FSD2: variants seen among roughly 807,000 people sequenced by gnomAD.
The protein encoded by FSD2 is fibronectin type III and SPRY domain containing 2.
In FSD2, 71 loss-of-function variants were observed where a neutral mutation model predicts 80.4. That is an observed-to-expected ratio of 0.88 (90% CI 0.73 to 1.08). FSD2 has a LOEUF of 1.08. Ranked by LOEUF, FSD2 falls within the 50% of genes least tolerant of loss-of-function variation. FSD2 has a pLI of 0.00. For missense variants in FSD2, 923 were observed against 913.8 expected (o/e 1.01, Z -0.13); for synonymous variants, 361 against 329.5 (o/e 1.10, Z -1.03).
chr15:82,799,720 ACTC>A (rs1007168269), intron 1 of FSD2, among the ~76,000 whole-genome samples: 2 of 151,728 alleles, frequency 1.3e-5, no homozygotes, highest in Non-Finnish European at 1.5e-5. Flanking sequence ...CCCTGCCAGA[ACTC>A]CTCCTCTCAA....
chr15:82,762,365 C>A, intron 11 of FSD2, 87 bp from the exon 12 acceptor site: 1 of 1,326,360 alleles, frequency 7.5e-7, no homozygotes, highest in South Asian at 1.4e-5. Context: ...TGGGATCAGT[C>A]AGTCGGTGGT....
chr15:82,778,459 A>T (rs1215026113), intron 6 of FSD2, among the ~76,000 whole-genome samples: 1 of 152,118 alleles, frequency 6.6e-6, no homozygotes, highest in Non-Finnish European at 1.5e-5. Context: ...ATACTCCATG[A>T]TTCCACTTAC....
chr15:82,801,820 C>T (rs1275223883), intron 1 of FSD2, among the ~76,000 whole-genome samples: 2 of 152,134 alleles, frequency 1.3e-5, no homozygotes, highest in Non-Finnish European at 2.9e-5. Context: ...ATACCATGAC[C>T]ATGCAGGATT....
intron 1 of FSD2, among the ~76,000 whole-genome samples, chr15:82,798,865 T>C (rs34050706): frequency 6.9e-6 from 1 of 145,432 alleles, no homozygotes. Flanking sequence ...CTTTCCACTA[T>C]CTCCACTGTT....
At chr15:82,798,136 C>T (rs1348188430) in intron 1 of FSD2, among the ~76,000 whole-genome samples, 1 of 151,710 alleles carries the variant, frequency 6.6e-6, no homozygotes, top group Non-Finnish European at 1.5e-5. Flanking sequence ...CTTAGGAGTT[C>T]GAGACCAGCC....
intron 9 of FSD2, among the ~76,000 whole-genome samples, 152 bp from the exon 10 acceptor site, chr15:82,766,183 T>C (rs2049416498): frequency 6.6e-6 from 1 of 152,170 alleles, no homozygotes; most frequent in African/African-American, 2.4e-5. Context: ...GAGTGCTGGC[T>C]CCCCCTCTGC....
At chr15:82,783,058 G>A (rs896809191) in intron 3 of FSD2, 33 bp from the exon 4 acceptor site, 5 of 1,452,690 alleles carry the variant, frequency 3.4e-6, no homozygotes, top group Admixed American at 1.8e-5. Context: ...CATCATTTCA[G>A]CGCATGTAGT....
intron 10 of FSD2, 45 bp from the exon 11 acceptor site, chr15:82,765,343 C>T (rs2049391083): frequency 6.2e-7 from 1 of 1,611,512 alleles, no homozygotes; most frequent in Admixed American, 1.7e-5. Context: ...CAATCACTTG[C>T]TTTCTCCATG....
chr15:82,798,506 A>T (rs902256495), intron 1 of FSD2, among the ~76,000 whole-genome samples: 6 of 152,298 alleles, frequency 3.9e-5, no homozygotes, highest in Middle Eastern at 3.4e-3. Context: ...GTCTTTTTTT[A>T]AAAAAACTAA....
intron 9 of FSD2, among the ~76,000 whole-genome samples, chr15:82,768,644 AAAC>A (rs371858729): frequency 2.7e-3 from 415 of 152,350 alleles, no homozygotes; most frequent in African/African-American, 9.5e-3. Context: ...ACTTGAGCTA[AAAC>A]AACAACCACA....
chr15:82,765,185 T>A lies in FSD2; in HGVS notation c.1801A>T (p.Ser601Cys). 1 of 1,605,282 alleles carries A rather than the reference T, an allele frequency of 6.2e-7. No individual in the cohort carries two copies. Among genetic ancestry groups the A allele is most frequent in the Non-Finnish European group, 8.5e-7 (1 of 1,175,398 alleles). The change falls in exon 11 of 13, where the codon AGC (serine) becomes TGC (cysteine). Residue 601 changes from serine to cysteine, a missense_variant. Ser to Cys is a moderately radical substitution (Grantham distance 112, BLOSUM62 -1). Transcript: ENST00000334574. ...RRTPARELSP[S>C]DTHFTRCVAV... The stretch of plus-strand genomic sequence containing the variant: ...AAGTACCTGGTGAAGTGAGTGTCGC[T>A]GGGTGACAGCTCCCTGGCGGGGGTT...
In FSD2 at chr15:82,765,240, G is replaced by A. The variant is rs200061762; in HGVS notation, c.1746C>T (p.Asp582=). 6 of 1,612,790 alleles carry A rather than the reference G, an allele frequency of 3.7e-6. No individual in the cohort carries two copies. The African/African-American group carries it at 4.0e-5, about 11-fold the overall frequency. The change falls in exon 11 of 13, where the codon GAC becomes GAT. Residue 582 remains aspartate (D), a synonymous_variant. Transcript: ENST00000334574. ...TTTCACTTCGTACAGCCGTAAGTCC[G>A]TCTTCAGAAATGGTCAGCCAGGGAT... ...TCHPWLTISE[D]GLTAVRSERR...
intron 1 of FSD2, among the ~76,000 whole-genome samples, chr15:82,792,607 A>G (rs1406006573): frequency 6.6e-6 from 1 of 152,150 alleles, no homozygotes; most frequent in African/African-American, 2.4e-5. Context: ...GAAGCACAAA[A>G]GTTTTTAATT....
rs774156172 is a variant in FSD2, at chr15:82,769,803, G to A, written c.1349C>T (p.Ala450Val). 2 of 1,613,918 alleles carry A rather than the reference G, an allele frequency of 1.2e-6. No individual in the cohort carries two copies. Among genetic ancestry groups the A allele is most frequent in the East Asian group, 4.5e-5 (2 of 44,868 alleles). The change falls in exon 8 of 13, where the codon GCT (alanine) becomes GTT (valine). Residue 450 changes from alanine (A) to valine (V), a missense_variant. Physicochemically the swap from Ala to Val is moderately conservative, Grantham distance 64. Transcript: ENST00000334574. ...PNTQYEFWVT[A>V]HNRAGPSPSS... ...GGGGCTGGGGCCAGCCCTGTTGTGA[G>A]CTGTGACCCAAAATTCATACTGGGT...
intron 1 of FSD2, among the ~76,000 whole-genome samples, chr15:82,800,629 T>G (rs2050387409): frequency 7.2e-6 from 1 of 139,426 alleles, no homozygotes; most frequent in Admixed American, 7.9e-5. Flanking sequence ...AAGGCAAACG[T>G]TGCAGCGAGC....
chr15:82,794,928 G>T (rs543319581), intron 1 of FSD2, among the ~76,000 whole-genome samples: 3 of 152,158 alleles, frequency 2.0e-5, no homozygotes, highest in Non-Finnish European at 4.4e-5. Context: ...GTTTCACCAT[G>T]TTAGCCATGA....
chr15:82,783,027 T>C lies in FSD2; in HGVS notation c.736-2A>G, dbSNP rs2049907677. 4 of 1,597,218 alleles carry C rather than the reference T, an allele frequency of 2.5e-6. No individual in the cohort carries two copies. Among genetic ancestry groups the C allele is most frequent in the Non-Finnish European group, 2.6e-6 (3 of 1,166,750 alleles). On this transcript the variant is annotated splice_acceptor_variant, in intron 3 of 12. Coordinates refer to ENST00000334574, the MANE Select transcript of FSD2 (RefSeq NM_001007122.4). LOFTEE classifies it high-confidence loss of function. ...TTGTTCTTGTTTTCCAAAATTCTCC[T>C]GCAAGACAGTTGATCTCAGTCATCA...
At chr15:82,778,157 T>TATATATAA (rs558795727) in intron 6 of FSD2, among the ~76,000 whole-genome samples, 56 of 129,874 alleles carry the variant, frequency 4.3e-4, no homozygotes, top group African/African-American at 1.7e-3. Context: ...TATATATATA[T>TATATATAA]AATAACTATT....
chr15:82,788,070 A>G (rs960159715), intron 1 of FSD2, among the ~76,000 whole-genome samples: 2 of 152,120 alleles, frequency 1.3e-5, no homozygotes, highest in Non-Finnish European at 2.9e-5. Flanking sequence ...CCAGTCTATT[A>G]TTTTTAAATT....
Sources: allele counts gnomAD v4.1 joint callset (sites outside exome capture counted in the v4.1 genomes callset), GRCh38; gene constraint gnomAD v4.1.1; transcripts MANE v1.5; gene names NCBI Gene and HGNC (gene_info 2026-07-23, HGNC 2026-07-21).